Variants in SORCS1 observed in about 807,000 individuals in gnomAD.
SORCS1 encodes the protein VPS10 domain-containing receptor SorCS1.
SORCS1 carries 60 observed loss-of-function variants against 146.1 expected under a neutral mutation model. That is an observed-to-expected ratio of 0.41 (90% CI 0.33 to 0.51). SORCS1 has a LOEUF of 0.51. SORCS1 is among the 20% of genes least tolerant of loss of function. The pLI is 0.21. For synonymous variants in SORCS1, 637 were observed against 584.0 expected (o/e 1.09, Z -1.31); for missense variants, 1,352 against 1,487.6 (o/e 0.91, Z 1.50).
intron 3 of SORCS1, among the ~76,000 whole-genome samples, chr10:106,824,923 G>T (rs1302320282): frequency 6.6e-6 from 1 of 152,096 alleles, no homozygotes; most frequent in Non-Finnish European, 1.5e-5. Context: ...GGAGTGTGAA[G>T]GGGGTGCAGA....
At chr10:107,119,426 C>G (rs1325234620) in intron 1 of SORCS1, among the ~76,000 whole-genome samples, 1 of 152,062 alleles carries the variant, frequency 6.6e-6, no homozygotes, top group Non-Finnish European at 1.5e-5. Context: ...AGCAGTAATC[C>G]AATTTAATCT....
At chr10:107,110,395 G>T (rs1306593307) in intron 1 of SORCS1, among the ~76,000 whole-genome samples, 1 of 152,148 alleles carries the variant, frequency 6.6e-6, no homozygotes. Flanking sequence ...TATGGTGCAG[G>T]CATTTGCCCA....
intron 1 of SORCS1, chr10:106,969,992 T>C (rs945487259): frequency 6.6e-6 from 1 of 152,298 alleles, no homozygotes; most frequent in African/African-American, 2.4e-5. Flanking sequence ...CCGCTGCCAA[T>C]ACTCTGTGAC....
chr10:106,725,195 G>A (rs1856061574), intron 6 of SORCS1, among the ~76,000 whole-genome samples: 1 of 151,994 alleles, frequency 6.6e-6, no homozygotes, highest in Non-Finnish European at 1.5e-5. Flanking sequence ...AAGTATATTT[G>A]GCATATACTC....
chr10:107,161,678 C>T (rs1319159827), intron 1 of SORCS1, among the ~76,000 whole-genome samples: 1 of 146,574 alleles, frequency 6.8e-6, no homozygotes. Flanking sequence ...GCTTTGCATT[C>T]TACAAAACGG....
chr10:106,684,678 A>G (rs977371026), intron 10 of SORCS1, among the ~76,000 whole-genome samples: 10 of 152,182 alleles, frequency 6.6e-5, no homozygotes, highest in Admixed American at 2.6e-4. Flanking sequence ...TCGGGCTGCA[A>G]TTCTGAACTT....
intron 2 of SORCS1, among the ~76,000 whole-genome samples, chr10:106,881,580 G>T (rs1348492496): frequency 6.6e-6 from 1 of 152,116 alleles, no homozygotes; most frequent in African/African-American, 2.4e-5. Context: ...TACCAGAAAT[G>T]CCTTCTTCAA....
intron 3 of SORCS1, among the ~76,000 whole-genome samples, chr10:106,785,658 G>T (rs973146649): frequency 6.6e-6 from 1 of 152,186 alleles, no homozygotes; most frequent in Non-Finnish European, 1.5e-5. Flanking sequence ...TGAAGTCTCA[G>T]CCACGTGAGA....
At chr10:106,721,899 G>A (rs143366446) in intron 6 of SORCS1, among the ~76,000 whole-genome samples, 1 of 152,096 alleles carries the variant, frequency 6.6e-6, no homozygotes, top group Non-Finnish European at 1.5e-5. Context: ...AAATATAGTT[G>A]ACTTTATAAT....
At chr10:106,899,023 G>A (rs1951595960) in intron 2 of SORCS1, among the ~76,000 whole-genome samples, 1 of 152,114 alleles carries the variant, frequency 6.6e-6, no homozygotes, top group South Asian at 2.1e-4. Context: ...TTTACCAGGT[G>A]GATTCTTACT....
intron 2 of SORCS1, among the ~76,000 whole-genome samples, chr10:106,900,560 C>T (rs979397041): frequency 2.6e-5 from 4 of 151,734 alleles, no homozygotes; most frequent in Non-Finnish European, 5.9e-5. Flanking sequence ...CAGAGGTGTG[C>T]TCTACACTGA....
intron 1 of SORCS1, among the ~76,000 whole-genome samples, chr10:106,975,966 G>A (rs2139275105): frequency 6.6e-6 from 1 of 152,170 alleles, no homozygotes; most frequent in South Asian, 2.1e-4. Flanking sequence ...TGGCCAACGT[G>A]GTGAAACTCC....
chr10:107,035,577 G>T (rs1958872666), intron 1 of SORCS1, among the ~76,000 whole-genome samples: 1 of 152,064 alleles, frequency 6.6e-6, no homozygotes, highest in African/African-American at 2.4e-5. Context: ...GGAGCTCCAC[G>T]GTCAATCAGA....
chr10:106,750,259 T>C (rs1858051622), intron 5 of SORCS1, among the ~76,000 whole-genome samples: 1 of 152,100 alleles, frequency 6.6e-6, no homozygotes, highest in Non-Finnish European at 1.5e-5. Flanking sequence ...CTGAATATTG[T>C]TCAAAGATAG....
At chr10:106,600,392 T>C in intron 23 of SORCS1, 5 of 979,228 alleles carry the variant, frequency 5.1e-6, no homozygotes, top group Non-Finnish European at 6.1e-6. Context: ...AACACATGCT[T>C]TGTGAGAAAA....
intron 3 of SORCS1, among the ~76,000 whole-genome samples, chr10:106,786,134 T>C (rs1331056979): frequency 6.6e-6 from 1 of 152,208 alleles, no homozygotes; most frequent in East Asian, 1.9e-4. Context: ...AGAACTGACA[T>C]AGTATACTAA....
chr10:107,103,457 T>A (rs1565046891), intron 1 of SORCS1, among the ~76,000 whole-genome samples: 1 of 152,244 alleles, frequency 6.6e-6, no homozygotes, highest in Non-Finnish European at 1.5e-5. Flanking sequence ...CCTCAGCTTT[T>A]CTTGCTCATT....
chr10:106,886,201 G>A (rs1012537368), intron 2 of SORCS1, among the ~76,000 whole-genome samples: 1 of 152,172 alleles, frequency 6.6e-6, no homozygotes, highest in African/African-American at 2.4e-5. Flanking sequence ...GGTGGAGGCT[G>A]CTGTGAGCCA....
intron 2 of SORCS1, among the ~76,000 whole-genome samples, chr10:106,900,894 T>TA (rs1450887816): frequency 6.6e-6 from 1 of 152,232 alleles, no homozygotes; most frequent in African/African-American, 2.4e-5. Context: ...TCGGTAAATT[T>TA]AGAGCATGTC....
Sources: gnomAD v4.1 joint callset for allele counts (sites outside exome capture counted in the v4.1 genomes callset) on GRCh38, gnomAD v4.1.1 for gene constraint, MANE v1.5 for transcripts, NCBI Gene and HGNC (gene_info 2026-07-23, HGNC 2026-07-21) for gene names.